The following SLC12A7 variants were observed in gnomAD, a reference collection of about 807,000 sequenced individuals.
The protein encoded by SLC12A7 is solute carrier family 12 member 7.
In SLC12A7, 100 loss-of-function variants were observed where a neutral mutation model predicts 120.6. The ratio of observed to expected loss-of-function variants is 0.83; its 90% CI spans 0.71 to 0.98. The LOEUF (loss-of-function observed/expected upper bound fraction) is 0.98, where lower values mean the gene tolerates loss of function less well. Among genes scored for constraint, SLC12A7 ranks in the 50% least tolerant of loss-of-function variants. The pLI is 0.00. For missense variants in SLC12A7, 1,373 were observed against 1,548.1 expected (o/e 0.89, Z 1.90); for synonymous variants, 760 against 678.0 (o/e 1.12, Z -1.88).
the SLC12A7 span, among the ~76,000 whole-genome samples, chr5:1,117,160 G>T: frequency 6.6e-6 from 1 of 152,134 alleles, no homozygotes; most frequent in African/African-American, 2.4e-5. The surrounding 1 kb of genome is among the most constrained non-coding windows in gnomAD (Gnocchi z 4.5). Context: ...GGAGCGTACT[G>T]CGAGGGGCCA....
chr5:1,074,469 TGA>T, intron 16 of SLC12A7, 96 bp downstream of exon 16: 1 of 1,127,012 alleles, frequency 8.9e-7, no homozygotes, highest in Non-Finnish European at 1.3e-6. Flanking sequence ...CGGCTGAAGG[TGA>T]GAGGCCCCTG....
chr5:1,087,341 C>T (rs548918425), intron 5 of SLC12A7, among the ~76,000 whole-genome samples: 13 of 152,242 alleles, frequency 8.5e-5, no homozygotes, highest in Non-Finnish European at 1.6e-4. Flanking sequence ...CCGCGTACAT[C>T]AGTGGCAGCC....
At chr5:1,083,360 A>AC (rs1739430563) in intron 8 of SLC12A7, among the ~76,000 whole-genome samples, 1 of 151,932 alleles carries the variant, frequency 6.6e-6, no homozygotes, top group Non-Finnish European at 1.5e-5. Flanking sequence ...TTTTCCCTCA[A>AC]CCCCCTGGGG....
chr5:1,053,259 CTCACTCCCA>C (rs1735247553), intron 23 of SLC12A7, 81 bp downstream of exon 23: 2 of 1,471,486 alleles, frequency 1.4e-6, no homozygotes, highest in Admixed American at 4.3e-5. Context: ...GGAAGCCAGC[CTCACTCCCA>C]GCACCCACAA....
Position 1,079,399 on chromosome 5 carries a change from G to A in SLC12A7, c.1395C>T (p.Ile465=), listed in dbSNP as rs374078174. 6 of 1,611,624 alleles carry A rather than the reference G, an allele frequency of 3.7e-6. No homozygotes were observed. The highest frequency in any genetic ancestry group is 4.2e-6 in the Non-Finnish European group (5 of 1,178,844). The change falls in exon 10 of 24, where the codon ATC becomes ATT. Residue 465 remains isoleucine, a splice_region_variant and synonymous_variant. Transcript: ENST00000264930. ...TCGCCTGCACCCCTCCAAGGATACA[G>A]ATGAAAGACGTCGTCACTATGGCCA... ...TILAIVTTSF[I]YLSCIVLFGA...
chr5:1,139,124 C>G, the SLC12A7 span, among the ~76,000 whole-genome samples: 1 of 152,230 alleles, frequency 6.6e-6, no homozygotes, highest in South Asian at 2.1e-4. Flanking sequence ...ATGGTCCCCA[C>G]AGCTGGGCTC....
At position 1,077,709 on chromosome 5, in the gene SLC12A7, T is replaced by A. The variant is rs1031195277; in HGVS notation, c.1629+124A>T. Reference sequence around the variant, plus strand: ...CTCTGTGCAGTGGCCAGGGGCAGAATGACCACCATGGGGTCCAAGCCGCGG... The same window carrying A: ...CTCTGTGCAGTGGCCAGGGGCAGAAAGACCACCATGGGGTCCAAGCCGCGG... On this transcript the variant is annotated intron_variant, in intron 12 of 23. Coordinates refer to ENST00000264930, the MANE Select transcript of SLC12A7 (RefSeq NM_006598.3). 7.8e-5 allele frequency: 82 copies of A among 1,053,300 alleles called. 1 individual carries two copies. The African/African-American group carries it at 1.3e-3, about 16-fold the overall frequency. The allele number at this position is 1,053,300 out of a possible 1,614,324, so 65.2% of individuals were successfully genotyped here.
the SLC12A7 span, among the ~76,000 whole-genome samples, chr5:1,140,619 C>T: frequency 2.0e-5 from 3 of 152,236 alleles, no homozygotes; most frequent in East Asian, 1.9e-4. Context: ...CGGAGTTCCC[C>T]GTGCTCAGGA....
rs1350933378 is a variant in SLC12A7, at chr5:1,050,910, C to T, written c.*1450G>A. The stretch of plus-strand genomic sequence containing the variant: ...AGTGCAGCCTCTGCCCCGATTTGAA[C>T]TTTGTTGATGGGGCTGATTCCCTTG... On this transcript the variant is annotated 3_prime_UTR_variant, in exon 24 of 24. Transcript: ENST00000264930. 5.0e-6 allele frequency: 2 copies of T among 398,544 alleles called. No individual in the cohort carries two copies. The highest frequency in any genetic ancestry group is 8.8e-6 in the Non-Finnish European group (2 of 226,092). The allele number at this position is 398,544 out of a possible 1,614,324, so 24.7% of individuals were successfully genotyped here. A position where few individuals can be genotyped will look rare whatever the true frequency, so the allele number is the denominator to read the frequency against.
upstream of SLC12A7, chr5:1,112,107 G>GGGCCACGTGACTTCACCTGCT: frequency 8.9e-7 from 1 of 1,124,456 alleles, no homozygotes; most frequent in Admixed American, 4.5e-5. Context: ...CGCCCCGCCC[G>GGGCCACGTGACTTCACCTGCT]GGCCACGTGA....
chr5:1,125,645 C>A, the SLC12A7 span, among the ~76,000 whole-genome samples: 3 of 152,120 alleles, frequency 2.0e-5, no homozygotes, highest in African/African-American at 7.2e-5. Flanking sequence ...TCTACCTGGG[C>A]CGGGCACAGT....
the SLC12A7 span, among the ~76,000 whole-genome samples, chr5:1,127,347 CAGAGG>C: frequency 6.6e-6 from 1 of 152,176 alleles, no homozygotes; most frequent in Admixed American, 6.5e-5. Context: ...TTTGAGGCCA[CAGAGG>C]AGAGGCAAAA....
the SLC12A7 span, among the ~76,000 whole-genome samples, chr5:1,134,306 C>T: frequency 6.6e-6 from 1 of 152,058 alleles, no homozygotes; most frequent in Non-Finnish European, 1.5e-5. Flanking sequence ...CCCGTCTCTA[C>T]TAAAAATACA....
chr5:1,076,861 G>C (rs372128516), intron 12 of SLC12A7, 49 bp from the exon 13 acceptor site: 3 of 1,285,920 alleles, frequency 2.3e-6, no homozygotes, highest in Non-Finnish European at 3.4e-6. Flanking sequence ...CACCCTTTTA[G>C]GAGAGAAGCT....
chr5:1,147,387 C>T, the SLC12A7 span, among the ~76,000 whole-genome samples: 5 of 151,898 alleles, frequency 3.3e-5, no homozygotes, highest in Non-Finnish European at 2.9e-5. Flanking sequence ...AGAGACCCAC[C>T]GAGAGTCCCT....
At chr5:1,103,172 G>C (rs1251500490) in intron 1 of SLC12A7, among the ~76,000 whole-genome samples, 3 of 152,166 alleles carry the variant, frequency 2.0e-5, no homozygotes, top group African/African-American at 7.2e-5. Context: ...CTTCAGGCAA[G>C]CTCTCAGGCT....
chr5:1,060,265 G>T, intron 21 of SLC12A7, 79 bp downstream of exon 21: 1 of 1,092,540 alleles, frequency 9.2e-7, no homozygotes. Flanking sequence ...TGGGCTGCAG[G>T]AGGGTCCCAG....
the SLC12A7 span, among the ~76,000 whole-genome samples, chr5:1,125,212 A>G: frequency 6.6e-6 from 1 of 152,152 alleles, no homozygotes; most frequent in Non-Finnish European, 1.5e-5. Flanking sequence ...GCACATGGAG[A>G]AACCCACGTG....
At chr5:1,064,600 C>T (rs1451403324) in intron 18 of SLC12A7, among the ~76,000 whole-genome samples, 2 of 152,190 alleles carry the variant, frequency 1.3e-5, no homozygotes, top group East Asian at 1.9e-4. Context: ...GACCTGACAG[C>T]GCACAGGCCT....
Sources: gnomAD v4.1 joint callset for allele counts (sites outside exome capture counted in the v4.1 genomes callset) on GRCh38, gnomAD v4.1.1 for gene constraint, Gnocchi (gnomAD v3.1) non-coding constraint, MANE v1.5 for transcripts, NCBI Gene and HGNC (gene_info 2026-07-23, HGNC 2026-07-21) for gene names.